CACNA1C: variants seen among roughly 807,000 people sequenced by gnomAD.
CACNA1C encodes calcium voltage-gated channel subunit alpha1 C, also known as voltage-dependent L-type calcium channel subunit alpha-1C.
Under a neutral mutation model 229.0 loss-of-function variants are expected in CACNA1C, and 30 were observed. That is an observed-to-expected ratio of 0.13 (90% CI 0.10 to 0.18). CACNA1C has a LOEUF of 0.18. Among genes scored for constraint, CACNA1C ranks in the 10% least tolerant of loss-of-function variants. The pLI is 1.00. For missense variants in CACNA1C, 1,658 were observed against 2,845.0 expected, an observed-to-expected ratio of 0.58 and a Z score of 9.49; for synonymous variants, 1,114 against 1,132.5, an observed-to-expected ratio of 0.98 and a Z score of 0.33.
intron 6 of CACNA1C, among the ~76,000 whole-genome samples, chr12:2,492,957 T>A (rs1358445563): frequency 6.6e-6 from 1 of 152,138 alleles, no homozygotes; most frequent in Non-Finnish European, 1.5e-5. Context: ...CAACAGTGAG[T>A]GGAAAGGACT....
At chr12:2,358,130 G>A (rs1431117276) in intron 3 of CACNA1C, among the ~76,000 whole-genome samples, 2 of 152,118 alleles carry the variant, frequency 1.3e-5, no homozygotes, top group Admixed American at 1.3e-4. Flanking sequence ...CCTCAGAGGG[G>A]TTTTCCAAAG....
At chr12:2,682,159 G>T in intron 42 of CACNA1C, 2 of 691,356 alleles carry the variant, frequency 2.9e-6, no homozygotes, top group Non-Finnish European at 5.0e-6. Context: ...AAATGCCAAA[G>T]ACCCAGGTGT....
chr12:2,218,160 C>T (rs766813980), intron 3 of CACNA1C, among the ~76,000 whole-genome samples: 17 of 152,184 alleles, frequency 1.1e-4, no homozygotes, highest in Non-Finnish European at 1.6e-4. Flanking sequence ...GCTCCTCCCA[C>T]GTCCCTACTC....
chr12:2,366,898 G>T (rs1037955591), intron 3 of CACNA1C, among the ~76,000 whole-genome samples: 1 of 152,100 alleles, frequency 6.6e-6, no homozygotes, highest in African/African-American at 2.4e-5. Flanking sequence ...GAGAGAGAGC[G>T]CATGCACAAA....
intron 3 of CACNA1C, among the ~76,000 whole-genome samples, chr12:2,367,243 G>T (rs186902718): frequency 1.3e-5 from 2 of 152,126 alleles, no homozygotes; most frequent in African/African-American, 4.8e-5. Flanking sequence ...AATAGTGCTC[G>T]AGCTCTTATG....
At chr12:2,302,838 G>A (rs2094678645) in intron 3 of CACNA1C, among the ~76,000 whole-genome samples, 1 of 152,242 alleles carries the variant, frequency 6.6e-6, no homozygotes, top group Admixed American at 6.5e-5. Flanking sequence ...TCTGCCCTCT[G>A]TGTTCTAATT....
chr12:2,293,405 T>C (rs1345378134), intron 3 of CACNA1C, among the ~76,000 whole-genome samples: 2 of 152,240 alleles, frequency 1.3e-5, no homozygotes, highest in African/African-American at 4.8e-5. Flanking sequence ...TTGGTGTTGC[T>C]ATAATTAATA....
At chr12:2,121,530 T>C (rs2086732285) in intron 3 of CACNA1C, among the ~76,000 whole-genome samples, 1 of 152,244 alleles carries the variant, frequency 6.6e-6, no homozygotes, top group Non-Finnish European at 1.5e-5. Flanking sequence ...GCCTGCGGGC[T>C]GTGGTGTCTT....
At chr12:2,303,672 G>A (rs1269857550) in intron 3 of CACNA1C, among the ~76,000 whole-genome samples, 2 of 152,206 alleles carry the variant, frequency 1.3e-5, no homozygotes, top group East Asian at 3.9e-4. Flanking sequence ...AGGGGTGAGG[G>A]CTTTCGCACA....
At position 2,147,437 on chromosome 12, in the gene CACNA1C, G is replaced by A. The variant is rs778257820; in HGVS notation, c.477+27007G>A. Reference sequence around the variant, plus strand: ...TTTGGGGAGTGAAATGCCAAATTTGGGCAAAGCAGACCTCTAGCTTTATTG... The same window carrying A: ...TTTGGGGAGTGAAATGCCAAATTTGAGCAAAGCAGACCTCTAGCTTTATTG... On this transcript the variant is annotated intron_variant, in intron 3 of 46. Transcript: ENST00000399655. Among the ~76,000 whole-genome samples, 66 of 151,348 alleles carry A rather than the reference G, an allele frequency of 4.4e-4. 4 individuals carry two copies. Among genetic ancestry groups the A allele is most frequent in the Middle Eastern group, 3.4e-3 (1 of 294 alleles).
intron 3 of CACNA1C, among the ~76,000 whole-genome samples, chr12:2,411,820 C>T (rs908753022): frequency 4.6e-5 from 7 of 152,356 alleles, no homozygotes; most frequent in Non-Finnish European, 1.0e-4. Flanking sequence ...GAAAGCTGCA[C>T]CATCCTTCTG....
At chr12:2,272,118 C>T (rs540650317) in intron 3 of CACNA1C, among the ~76,000 whole-genome samples, 22 of 152,286 alleles carry the variant, frequency 1.4e-4, no homozygotes, top group African/African-American at 4.8e-4. Flanking sequence ...GCTCACAACC[C>T]CTCAGTGAGT....
chr12:2,653,750 A>T lies in CACNA1C; in HGVS notation c.4075-85A>T. On this transcript the variant is annotated intron_variant, in intron 32 of 46. Transcript: ENST00000399655. The surrounding 1 kb of genome is among the most constrained non-coding windows in gnomAD (Gnocchi z 4.7). Reference sequence around the variant, plus strand: ...ACCGGGCAATAGCTGATGGCTGCAGAGACAGGGATGCGGCGCTCCCTGGGA... The same window carrying T: ...ACCGGGCAATAGCTGATGGCTGCAGTGACAGGGATGCGGCGCTCCCTGGGA... The T allele has an allele frequency of 8.7e-7, 1 of 1,147,346 alleles. No individual in the cohort carries two copies. The highest frequency in any genetic ancestry group is 1.3e-5 in the South Asian group (1 of 79,138). 71.1% of individuals were successfully genotyped at this position (1,147,346 alleles called of 1,614,324 possible). A position where few individuals can be genotyped will look rare whatever the true frequency, so the allele number is the denominator to read the frequency against.
At chr12:2,190,797 G>A (rs961452452) in intron 3 of CACNA1C, among the ~76,000 whole-genome samples, 1 of 152,174 alleles carries the variant, frequency 6.6e-6, no homozygotes, top group Non-Finnish European at 1.5e-5. Flanking sequence ...TTGGATTGGT[G>A]GGGTGGCAAG....
In CACNA1C at chr12:2,079,733, G is replaced by A. The variant is rs868453442; in HGVS notation, c.49+26122G>A. 3.3e-5 allele frequency among the ~76,000 whole-genome samples: 5 copies of A among 152,120 alleles called. No homozygotes were observed. In the South Asian group the frequency reaches 8.3e-4, roughly 25 times the overall value. ...AAGAACCCCACAAAACTAGATCTAG[G>A]ATAACTGATACCCATAGGACCCTTC... On this transcript the variant is annotated intron_variant, in intron 1 of 46. Transcript: ENST00000399655.
chr12:2,584,646 G>GCAA, intron 16 of CACNA1C, 29 bp downstream of exon 16: 1 of 1,379,330 alleles, frequency 7.2e-7, no homozygotes, highest in Non-Finnish European at 1.0e-6. Context: ...CCAGGCCTGG[G>GCAA]GCTCCAGGGC....
chr12:2,635,672 G>A (rs535822233), intron 30 of CACNA1C, among the ~76,000 whole-genome samples: 3 of 152,134 alleles, frequency 2.0e-5, no homozygotes, highest in African/African-American at 4.8e-5. Flanking sequence ...TATGGAAAGC[G>A]GTTGTCACAC....
At chr12:2,316,069 A>T (rs2095673248) in intron 3 of CACNA1C, among the ~76,000 whole-genome samples, 1 of 152,276 alleles carries the variant, frequency 6.6e-6, no homozygotes, top group Non-Finnish European at 1.5e-5. Flanking sequence ...CTTCATGGAC[A>T]GAGAGCAGGT....
intron 3 of CACNA1C, among the ~76,000 whole-genome samples, chr12:2,321,042 G>A (rs1312002560): frequency 1.3e-5 from 2 of 152,194 alleles, no homozygotes; most frequent in Non-Finnish European, 2.9e-5. Context: ...CTATAATCAC[G>A]TATTTACAGT....
Sources: gnomAD v4.1 joint callset for allele counts (sites outside exome capture counted in the v4.1 genomes callset) on GRCh38, gnomAD v4.1.1 for gene constraint, Gnocchi (gnomAD v3.1) non-coding constraint, MANE v1.5 for transcripts, NCBI Gene and HGNC (gene_info 2026-07-23, HGNC 2026-07-21) for gene names.